The following SPRED1 variants were observed in gnomAD, a reference collection of about 807,000 sequenced individuals.
SPRED1 encodes the protein sprouty-related, EVH1 domain-containing protein 1.
Under a neutral mutation model 52.3 loss-of-function variants are expected in SPRED1, and 18 were observed. The ratio of observed to expected loss-of-function variants is 0.34; its 90% CI spans 0.24 to 0.51. SPRED1 has a LOEUF of 0.51. Ranked by LOEUF, SPRED1 falls within the 20% of genes least tolerant of loss-of-function variation. The pLI is 0.97. For missense variants in SPRED1, 485 were observed against 551.0 expected (o/e 0.88, Z 1.20); for synonymous variants, 155 against 179.7 (o/e 0.86, Z 1.10).
intron 1 of SPRED1, among the ~76,000 whole-genome samples, chr15:38,265,793 A>G (rs776414664): frequency 6.6e-6 from 1 of 152,114 alleles, no homozygotes; most frequent in Non-Finnish European, 1.5e-5. Flanking sequence ...GGAACTTTCA[A>G]ATATTGTTGT....
At chr15:38,326,689 A>G (rs936687667) in intron 4 of SPRED1, among the ~76,000 whole-genome samples, 1 of 152,134 alleles carries the variant, frequency 6.6e-6, no homozygotes, top group African/African-American at 2.4e-5. Context: ...AAGATTCACA[A>G]AGTTTTTCAA....
At chr15:38,258,208 T>C (rs1294169121) in intron 1 of SPRED1, among the ~76,000 whole-genome samples, 1 of 152,190 alleles carries the variant, frequency 6.6e-6, no homozygotes, top group Admixed American at 6.5e-5. Context: ...TATTCATTTA[T>C]TAGATTTTTA....
intron 4 of SPRED1, among the ~76,000 whole-genome samples, chr15:38,336,318 T>C (rs1895913599): frequency 1.3e-5 from 2 of 150,426 alleles, no homozygotes; most frequent in Non-Finnish European, 3.0e-5. Flanking sequence ...GCACTATAAT[T>C]TGCAATTACA....
chr15:38,339,681 G>A (rs1895990846), intron 4 of SPRED1, 56 bp from the exon 5 acceptor site: 7 of 1,531,318 alleles, frequency 4.6e-6, no homozygotes, highest in African/African-American at 1.4e-5. Context: ...ATCTTATTTT[G>A]TGGTGGTGGT....
intron 2 of SPRED1, among the ~76,000 whole-genome samples, chr15:38,317,413 C>G (rs1595744102): frequency 1.3e-5 from 2 of 151,884 alleles, no homozygotes; most frequent in African/African-American, 4.8e-5. Context: ...ATTTCTCCTA[C>G]AAAGTAAATA....
chr15:38,294,164 T>C lies in SPRED1; in HGVS notation c.33-5209T>C, dbSNP rs1431318155. On this transcript the variant is annotated intron_variant, in intron 1 of 6. Coordinates refer to ENST00000299084, the MANE Select transcript of SPRED1 (RefSeq NM_152594.3). ...AACCTACTTCTATTAAATGCTTCCCTTTTCTCTTCTACCTAGTCTCTGTAA... is the reference window on the plus strand; with the variant it reads ...AACCTACTTCTATTAAATGCTTCCCCTTTCTCTTCTACCTAGTCTCTGTAA... Among the ~76,000 whole-genome samples the C allele has an allele frequency of 2.6e-5, 4 of 152,318 alleles. No homozygotes were observed. In the East Asian group the frequency reaches 5.8e-4, roughly 22 times the overall value.
intron 1 of SPRED1, among the ~76,000 whole-genome samples, chr15:38,254,466 CTT>C (rs1894049941): frequency 6.6e-6 from 1 of 152,096 alleles, no homozygotes; most frequent in Non-Finnish European, 1.5e-5. Flanking sequence ...TGTTCTGTCT[CTT>C]TTTGTGAATC....
chr15:38,324,709 C>G, intron 3 of SPRED1, 54 bp from the exon 4 acceptor site: 1 of 1,368,164 alleles, frequency 7.3e-7, no homozygotes, highest in Non-Finnish European at 1.0e-6. Context: ...GTCATTAATA[C>G]TGGACTCTAA....
At chr15:38,314,798 C>A (rs1895441257) in intron 2 of SPRED1, among the ~76,000 whole-genome samples, 1 of 151,756 alleles carries the variant, frequency 6.6e-6, no homozygotes. Context: ...AAATAAAGTG[C>A]CATAATTATG....
chr15:38,266,148 T>G (rs905935368), intron 1 of SPRED1, among the ~76,000 whole-genome samples: 1 of 152,204 alleles, frequency 6.6e-6, no homozygotes, highest in African/African-American at 2.4e-5. Context: ...TCAAAAATAA[T>G]TGCCTTGGAC....
At chr15:38,253,845 G>A (rs1894036034) in intron 1 of SPRED1, among the ~76,000 whole-genome samples, 1 of 152,166 alleles carries the variant, frequency 6.6e-6, no homozygotes, top group African/African-American at 2.4e-5. Context: ...TGTGAATATT[G>A]GACGTGTCTT....
chr15:38,277,705 A>G (rs980704437), intron 1 of SPRED1, among the ~76,000 whole-genome samples: 1 of 152,234 alleles, frequency 6.6e-6, no homozygotes, highest in Non-Finnish European at 1.5e-5. Context: ...CTTTCTGCAG[A>G]AGCTAAACTA....
intron 2 of SPRED1, among the ~76,000 whole-genome samples, chr15:38,317,867 G>A (rs1305418350): frequency 2.8e-5 from 4 of 144,580 alleles, no homozygotes; most frequent in Non-Finnish European, 3.0e-5. Flanking sequence ...TAGACAGTTG[G>A]TATCTGTCTC....
chr15:38,314,558 T>C (rs1164932744), intron 2 of SPRED1, among the ~76,000 whole-genome samples: 1 of 151,910 alleles, frequency 6.6e-6, no homozygotes, highest in Non-Finnish European at 1.5e-5. Context: ...CTAATTTTTA[T>C]TATTTGCACA....
At chr15:38,322,889 A>G (rs893161647) in intron 3 of SPRED1, among the ~76,000 whole-genome samples, 2 of 152,054 alleles carry the variant, frequency 1.3e-5, no homozygotes, top group Admixed American at 6.5e-5. Context: ...AGAGACCACA[A>G]GCTCATCTAT....
At chr15:38,337,412 G>C (rs1363482150) in intron 4 of SPRED1, among the ~76,000 whole-genome samples, 1 of 152,076 alleles carries the variant, frequency 6.6e-6, no homozygotes, top group Non-Finnish European at 1.5e-5. Context: ...TCAGACACTT[G>C]AATGATGCTT....
At chr15:38,257,471 T>G (rs1894122616) in intron 1 of SPRED1, among the ~76,000 whole-genome samples, 1 of 152,196 alleles carries the variant, frequency 6.6e-6, no homozygotes, top group Admixed American at 6.5e-5. Flanking sequence ...ACCTTTTTTT[T>G]TAAGAAAAGA....
chr15:38,261,444 G>C (rs936848581), intron 1 of SPRED1, among the ~76,000 whole-genome samples: 3 of 152,172 alleles, frequency 2.0e-5, no homozygotes, highest in African/African-American at 7.2e-5. Flanking sequence ...TGTTTGGAGA[G>C]CAAAGAATAA....
intron 4 of SPRED1, among the ~76,000 whole-genome samples, chr15:38,332,597 T>C (rs1895827814): frequency 6.6e-6 from 1 of 152,124 alleles, no homozygotes; most frequent in Non-Finnish European, 1.5e-5. Flanking sequence ...GTGTTTAGAT[T>C]TATTATGGCT....
Sources: allele counts gnomAD v4.1 joint callset (sites outside exome capture counted in the v4.1 genomes callset), GRCh38; gene constraint gnomAD v4.1.1; transcripts MANE v1.5; gene names NCBI Gene and HGNC (gene_info 2026-07-23, HGNC 2026-07-21).